DAB1: variants seen among roughly 807,000 people sequenced by gnomAD.
The protein encoded by DAB1 is DAB adaptor protein 1.
DAB1 carries 15 observed loss-of-function variants against 64.6 expected under a neutral mutation model. The observed-to-expected ratio is 0.23, with a 90% CI of 0.16 to 0.36. The LOEUF is 0.36. DAB1 is among the 10% of genes least tolerant of loss of function. The probability of loss-of-function intolerance (pLI) is 1.00; values close to 1 mark genes in which losing one functional copy is unlikely to be tolerated. For synonymous variants in DAB1, 235 were observed against 251.9 expected, an observed-to-expected ratio of 0.93 and a Z score of 0.64; for missense variants, 596 against 706.7, an observed-to-expected ratio of 0.84 and a Z score of 1.78.
At chr1:58,512,965 C>CA (rs1646104530) in intron 2 of DAB1, among the ~76,000 whole-genome samples, 1 of 152,144 alleles carries the variant, frequency 6.6e-6, no homozygotes, top group South Asian at 2.1e-4. Flanking sequence ...AATAAATACT[C>CA]AGTTTATCAC....
At chr1:57,440,600 T>C (rs1010166632) in intron 7 of DAB1, among the ~76,000 whole-genome samples, 1 of 151,930 alleles carries the variant, frequency 6.6e-6, no homozygotes, top group African/African-American at 2.4e-5. Context: ...AAAAGAGGAT[T>C]GTGGTTTAGG....
At chr1:57,472,122 G>A (rs1046654659) in intron 7 of DAB1, among the ~76,000 whole-genome samples, 2 of 152,248 alleles carry the variant, frequency 1.3e-5, no homozygotes, top group African/African-American at 4.8e-5. Flanking sequence ...TACCTAGTGA[G>A]TATGTGGCAG....
intron 5 of DAB1, among the ~76,000 whole-genome samples, chr1:58,142,302 G>T (rs1352121050): frequency 6.6e-6 from 1 of 152,140 alleles, no homozygotes; most frequent in Non-Finnish European, 1.5e-5. Flanking sequence ...GCATTAAGCT[G>T]GTGTTTCAGA....
rs537244436 is a variant in DAB1, at chr1:58,389,072, G to C, written n.258-45669C>G. 1.9e-3 allele frequency among the ~76,000 whole-genome samples: 284 copies of C among 152,298 alleles called. 9 individuals are homozygous for C. The South Asian group carries it at 0.053, about 28-fold the overall frequency. On this transcript the variant is annotated intron_variant and non_coding_transcript_variant, in intron 3 of 20. Coordinates refer to the DAB1 transcript ENST00000485760. Reference sequence around the variant, plus strand: ...TAGCAGTCCAAGGTTCTAATCTGGAGGGTCATCAATCCTTCATGAAAACAC... The same window carrying C: ...TAGCAGTCCAAGGTTCTAATCTGGACGGTCATCAATCCTTCATGAAAACAC...
At chr1:57,774,542 T>A (rs1290145246) in intron 6 of DAB1, among the ~76,000 whole-genome samples, 1 of 151,844 alleles carries the variant, frequency 6.6e-6, no homozygotes, top group Non-Finnish European at 1.5e-5. Context: ...TAGCTGTGGC[T>A]TTTCATAGAT....
chr1:57,147,894 A>G (rs1659299303), intron 2 of DAB1, among the ~76,000 whole-genome samples: 2 of 152,234 alleles, frequency 1.3e-5, no homozygotes, highest in African/African-American at 4.8e-5. Context: ...TACTGAGTAG[A>G]ACCTGAACTT....
intron 4 of DAB1, among the ~76,000 whole-genome samples, chr1:58,184,052 A>G (rs1656939188): frequency 6.6e-6 from 1 of 151,782 alleles, no homozygotes; most frequent in African/African-American, 2.4e-5. Context: ...TCTAACTTTC[A>G]GCTTGCCCAG....
At chr1:57,301,329 C>T (rs1570214196) in intron 1 of DAB1, among the ~76,000 whole-genome samples, 1 of 152,156 alleles carries the variant, frequency 6.6e-6, no homozygotes, top group East Asian at 1.9e-4. Context: ...CCCCAACACA[C>T]GGATTCTAAA....
intron 3 of DAB1, among the ~76,000 whole-genome samples, chr1:58,475,477 A>AAC (rs112408529): frequency 0.075 from 11,038 of 148,122 alleles, 469 homozygotes; most frequent in South Asian, 0.12. Context: ...AGGTTAATTA[A>AAC]ACACACACAC....
At chr1:57,673,630 T>G (rs1416857211) in intron 6 of DAB1, among the ~76,000 whole-genome samples, 1 of 152,144 alleles carries the variant, frequency 6.6e-6, no homozygotes, top group South Asian at 2.1e-4. Flanking sequence ...TTCGGAGCAG[T>G]AAATATTTTT....
intron 5 of DAB1, among the ~76,000 whole-genome samples, chr1:58,033,767 C>T (rs1233319164): frequency 6.6e-6 from 1 of 152,132 alleles, no homozygotes; most frequent in Non-Finnish European, 1.5e-5. Flanking sequence ...AACAAAATTT[C>T]TGCTGATATT....
intron 5 of DAB1, among the ~76,000 whole-genome samples, chr1:58,148,917 C>A (rs535787158): frequency 6.6e-6 from 1 of 152,110 alleles, no homozygotes; most frequent in African/African-American, 2.4e-5. Context: ...ACCATGATCT[C>A]CCCTGTCTCA....
chr1:57,206,591 G>A (rs927048680), intron 2 of DAB1, among the ~76,000 whole-genome samples: 1 of 152,096 alleles, frequency 6.6e-6, no homozygotes, highest in Non-Finnish European at 1.5e-5. Context: ...CCCCAGTTTG[G>A]GGCTCATGGT....
intron 5 of DAB1, among the ~76,000 whole-genome samples, chr1:57,910,580 G>T (rs183774082): frequency 6.6e-6 from 1 of 152,126 alleles, no homozygotes; most frequent in Non-Finnish European, 1.5e-5. Flanking sequence ...TTAGGGAAAG[G>T]TCAGGGGGAA....
At chr1:57,026,525 C>T (rs537559932) in intron 9 of DAB1, among the ~76,000 whole-genome samples, 6 of 152,256 alleles carry the variant, frequency 3.9e-5, no homozygotes, top group Admixed American at 3.9e-4. Flanking sequence ...TCATCATCCT[C>T]ATTTTTACAA....
intron 2 of DAB1, among the ~76,000 whole-genome samples, chr1:57,273,553 G>GCCTTCCTTCCTT (rs1191588175): frequency 1.1e-4 from 7 of 62,080 alleles, no homozygotes; most frequent in East Asian, 3.9e-4. Flanking sequence ...CTGCCTGCCT[G>GCCTTCCTTCCTT]CCTTCCTTCC....
rs1473311469 is a variant in DAB1, at chr1:58,195,476, AAGAG to A, written n.310-44892_310-44889del. Among the ~76,000 whole-genome samples, 4 of 152,178 alleles carry A rather than the reference AAGAG, an allele frequency of 2.6e-5. No homozygotes were observed. In the East Asian group the frequency reaches 7.7e-4, roughly 29 times the overall value. On this transcript the variant is annotated intron_variant and non_coding_transcript_variant, in intron 4 of 20. Coordinates refer to the DAB1 transcript ENST00000485760. The stretch of plus-strand genomic sequence containing the variant: ...GGTCTGGCAAAAAAATGGGAAGAAG[AAGAG>A]ATAGAGAAAAAAGGAAAGATGTAAG...
intron 6 of DAB1, among the ~76,000 whole-genome samples, chr1:57,783,606 T>A (rs1168222024): frequency 6.6e-6 from 1 of 152,190 alleles, no homozygotes; most frequent in African/African-American, 2.4e-5. Context: ...ATACTGTATT[T>A]TTTACAAATT....
At chr1:57,668,113 A>T (rs1558592862) in intron 6 of DAB1, among the ~76,000 whole-genome samples, 1 of 152,132 alleles carries the variant, frequency 6.6e-6, no homozygotes, top group Non-Finnish European at 1.5e-5. Flanking sequence ...TTAAAATTAA[A>T]ATTTGAAAGT....
Sources: allele counts gnomAD v4.1 joint callset (sites outside exome capture counted in the v4.1 genomes callset), GRCh38; gene constraint gnomAD v4.1.1; transcripts MANE v1.5; gene names NCBI Gene and HGNC (gene_info 2026-07-23, HGNC 2026-07-21).